LEPROTL1: variants seen among roughly 807,000 people sequenced by gnomAD.
LEPROTL1 encodes leptin receptor overlapping transcript like 1.
Under a neutral mutation model 15.4 loss-of-function variants are expected in LEPROTL1, and 6 were observed. The ratio of observed to expected loss-of-function variants is 0.39; its 90% CI spans 0.21 to 0.77. The LOEUF (loss-of-function observed/expected upper bound fraction) is 0.77. LEPROTL1 is among the 30% of genes least tolerant of loss of function. LEPROTL1 has a pLI of 0.41. For missense variants in LEPROTL1, 128 were observed against 158.1 expected (o/e 0.81, Z 1.02); for synonymous variants, 56 against 52.6 (o/e 1.06, Z -0.28).
chr8:30,108,939 ATTTTTTGTAGAGATGGGG>A (rs1264166628), downstream of LEPROTL1, among the ~76,000 whole-genome samples: 1 of 151,668 alleles, frequency 6.6e-6, no homozygotes, highest in Non-Finnish European at 1.5e-5. Context: ...TAATTTTCGT[ATTTTTTGTAGAGATGGGG>A]TTTTGCCATG....
intron 4 of LEPROTL1, chr8:30,132,845 C>T (rs2117533793): frequency 1.3e-6 from 2 of 1,551,504 alleles, no homozygotes; most frequent in Non-Finnish European, 1.7e-6. Context: ...TCACAAATGT[C>T]CAGAGAGAGG....
chr8:30,097,439 G>A (rs918806873), intron 1 of LEPROTL1, among the ~76,000 whole-genome samples: 2 of 151,904 alleles, frequency 1.3e-5, no homozygotes, highest in South Asian at 2.1e-4. Flanking sequence ...TTGGGAGGCC[G>A]AGACGGATGG....
At chr8:30,109,191 CA>C (rs1802618991), downstream of LEPROTL1, among the ~76,000 whole-genome samples, 1 of 152,208 alleles carries the variant, frequency 6.6e-6, no homozygotes, top group South Asian at 2.1e-4. Context: ...TAACAAGCAA[CA>C]CAACGTTATT....
At chr8:30,100,172 C>G (rs1045536759) in intron 1 of LEPROTL1, among the ~76,000 whole-genome samples, 1 of 151,760 alleles carries the variant, frequency 6.6e-6, no homozygotes, top group Non-Finnish European at 1.5e-5. Context: ...CCAAATCTGC[C>G]AAGCCACTAT....
intron 3 of LEPROTL1, among the ~76,000 whole-genome samples, chr8:30,120,424 T>C (rs531640864): frequency 1.3e-5 from 2 of 152,264 alleles, no homozygotes; most frequent in Admixed American, 6.5e-5. Context: ...GAGGGCAAAA[T>C]GTAAATGGTC....
chr8:30,118,019 G>GGTTGTTTTTTTTTTTT lies in LEPROTL1; in HGVS notation c.279+13533_279+13534insGTTGTTTTTTTTTTTT, dbSNP rs751348725. ...AATCTGTATATATATTTTTTGATTT[G>GGTTGTTTTTTTTTTTT]TTTTTTTTTTTTTTTTTTTTTTTGA... On this transcript the variant is annotated intron_variant, in intron 3 of 4. Coordinates refer to the LEPROTL1 transcript ENST00000442880. Among the ~76,000 whole-genome samples, 2 of 26,784 alleles carry GGTTGTTTTTTTTTTTT rather than the reference G, an allele frequency of 7.5e-5. 1 individual carries two copies. The highest frequency in any genetic ancestry group is 2.4e-4 in the African/African-American group (2 of 8,302). 17.6% of individuals were successfully genotyped at this position (26,784 alleles called of 152,430 possible). A position where few individuals can be genotyped will look rare whatever the true frequency, so the allele number is the denominator to read the frequency against.
At chr8:30,136,802 C>T (rs1055836788) in intron 4 of LEPROTL1, among the ~76,000 whole-genome samples, 1 of 150,642 alleles carries the variant, frequency 6.6e-6, no homozygotes, top group Non-Finnish European at 1.5e-5. Flanking sequence ...GATCTCCTGT[C>T]TCAGCCTCCC....
At chr8:30,131,011 C>T (rs1328544694) in intron 3 of LEPROTL1, among the ~76,000 whole-genome samples, 2 of 151,890 alleles carry the variant, frequency 1.3e-5, no homozygotes, top group African/African-American at 4.8e-5. Context: ...AACTGCTGAC[C>T]TTGTGATCCC....
In LEPROTL1 at chr8:30,136,338, G is replaced by A. The variant is rs74739379; in HGVS notation, c.395-934G>A. On this transcript the variant is annotated intron_variant, in intron 4 of 4. Coordinates refer to the LEPROTL1 transcript ENST00000442880. ...ACAGACAGAGGAGTGACCATCACGC[G>A]GACATACAGGGACACTGCCACCCGC... 2.7e-3 allele frequency among the ~76,000 whole-genome samples: 410 copies of A among 152,264 alleles called. 1 individual carries two copies. The highest frequency in any genetic ancestry group is 9.4e-3 in the African/African-American group (390 of 41,548).
rs1159515743 is a variant in LEPROTL1, at chr8:30,123,842, G to A, written c.280-8533G>A. The stretch of plus-strand genomic sequence containing the variant: ...GGGAATGGGATTTATTTTAGACAAG[G>A]TGTTCCTCTCTGGCAAGATGTCATT... On this transcript the variant is annotated intron_variant, in intron 3 of 4. Coordinates refer to the LEPROTL1 transcript ENST00000442880. 2.0e-5 allele frequency among the ~76,000 whole-genome samples: 3 copies of A among 152,288 alleles called. No individual in the cohort carries two copies. The East Asian group carries it at 5.8e-4, about 29-fold the overall frequency.
chr8:30,117,723 C>G (rs1802763280), intron 3 of LEPROTL1: 2 of 1,150,324 alleles, frequency 1.7e-6, no homozygotes, highest in East Asian at 2.3e-5. Context: ...GTTTGCCTCT[C>G]TTTTCGGCAT....
intron 3 of LEPROTL1, chr8:30,131,909 C>A: frequency 1.3e-6 from 2 of 1,514,706 alleles, no homozygotes; most frequent in Non-Finnish European, 1.8e-6. Flanking sequence ...TAAAATGTTT[C>A]CTGGGTGTTT....
chr8:30,095,996 G>C (rs912412198), intron 1 of LEPROTL1: 9 of 635,846 alleles, frequency 1.4e-5, no homozygotes, highest in Admixed American at 4.6e-5. Flanking sequence ...GGCGCTGCAC[G>C]GGTCTGCCCG....
Position 30,095,548 on chromosome 8 carries a change from C to T in LEPROTL1, c.16+20C>T, listed in dbSNP as rs1253203580. ...TCAAAGGTGGGCCTGGGTTGCAGGA[C>T]GCGGGAGGGCTGGGGCCGGCGGGGG... On this transcript the variant is annotated intron_variant, in intron 1 of 3. Coordinates refer to ENST00000321250, the MANE Select transcript of LEPROTL1 (RefSeq NM_015344.3). 45 of 1,400,354 alleles carry T rather than the reference C, an allele frequency of 3.2e-5. No individual in the cohort carries two copies. Among genetic ancestry groups the T allele is most frequent in the Non-Finnish European group, 4.1e-5 (44 of 1,077,310 alleles). The allele number at this position is 1,400,354 out of a possible 1,614,324, so 86.7% of individuals were successfully genotyped here.
intron 1 of LEPROTL1, chr8:30,096,236 A>T (rs1802364090): frequency 1.1e-6 from 1 of 950,462 alleles, no homozygotes; most frequent in Non-Finnish European, 1.3e-6. Context: ...TACTGGTACA[A>T]CTTAATGAAA....
At chr8:30,104,519 A>G in intron 3 of LEPROTL1, 33 bp downstream of exon 3, 2 of 1,435,138 alleles carry the variant, frequency 1.4e-6, no homozygotes, top group Admixed American at 2.2e-5. Context: ...TAATGATTTT[A>G]TATTGAACAT....
At chr8:30,137,825 A>T (rs1282798083), downstream of LEPROTL1, 1 of 314,464 alleles carries the variant, frequency 3.2e-6, no homozygotes, top group African/African-American at 2.1e-5. Context: ...ATTAGCCGAA[A>T]GATTAGAAAT....
chr8:30,119,666 G>T (rs1476813496), intron 3 of LEPROTL1, among the ~76,000 whole-genome samples: 1 of 152,116 alleles, frequency 6.6e-6, no homozygotes, highest in Non-Finnish European at 1.5e-5. Context: ...GGTACTGGGG[G>T]TTAGGATATG....
At chr8:30,132,097 TG>T (rs1563220339) in intron 3 of LEPROTL1, 1 of 1,551,678 alleles carries the variant, frequency 6.4e-7, no homozygotes, top group Admixed American at 2.0e-5. Context: ...CAACTGGGTG[TG>T]GGCCCAGGTG....
Sources: gnomAD v4.1 joint callset for allele counts (sites outside exome capture counted in the v4.1 genomes callset) on GRCh38, gnomAD v4.1.1 for gene constraint, MANE v1.5 for transcripts, NCBI Gene and HGNC (gene_info 2026-07-23, HGNC 2026-07-21) for gene names.